Variants in SYT2 observed in about 807,000 individuals in gnomAD.
SYT2 encodes synaptotagmin-2.
SYT2 carries 15 observed loss-of-function variants against 39.9 expected under a neutral mutation model. The ratio of observed to expected loss-of-function variants is 0.38; its 90% CI spans 0.25 to 0.58. SYT2 has a LOEUF of 0.58. SYT2 is among the 20% of genes least tolerant of loss of function. SYT2 has a pLI of 0.70. For missense variants in SYT2, 389 were observed against 530.3 expected, an observed-to-expected ratio of 0.73 and a Z score of 2.62; for synonymous variants, 181 against 204.5, an observed-to-expected ratio of 0.89 and a Z score of 0.98.
chr1:202,673,096 C>T (rs1653215088), intron 1 of SYT2, among the ~76,000 whole-genome samples: 2 of 152,006 alleles, frequency 1.3e-5, no homozygotes, highest in South Asian at 4.1e-4. Context: ...GAAATCTGGG[C>T]TTATGGATGG....
rs1057409581 is a variant in SYT2, at chr1:202,628,006, A to T, written c.-17-22217T>A. On this transcript the variant is annotated intron_variant, in intron 1 of 8. Coordinates refer to ENST00000367268, the MANE Select transcript of SYT2 (RefSeq NM_177402.5). This position sits in a 1 kb window ranked among gnomAD's most constrained non-coding sequence, Gnocchi z 4.2. ...CCCAGCCCAGGGCTCTTTCCTTCCC[A>T]ACAAAGAGCCCCAGGGAGCTCCTCA... is the stretch of plus-strand genomic sequence containing the variant. Among the ~76,000 whole-genome samples the T allele has an allele frequency of 1.3e-5, 2 of 151,998 alleles. No homozygotes were observed. The highest frequency in any genetic ancestry group is 2.9e-5 in the Non-Finnish European group (2 of 67,980).
chr1:202,654,595 G>A (rs972953339), intron 1 of SYT2, among the ~76,000 whole-genome samples: 1 of 152,170 alleles, frequency 6.6e-6, no homozygotes, highest in Non-Finnish European at 1.5e-5. Context: ...TGCCCTCATG[G>A]GGAGTTCATC....
intron 1 of SYT2, among the ~76,000 whole-genome samples, chr1:202,670,435 C>T (rs1021315322): frequency 6.6e-6 from 1 of 152,144 alleles, no homozygotes; most frequent in Non-Finnish European, 1.5e-5. Flanking sequence ...TTCTGAGGTT[C>T]CAAGGAGCTG....
At chr1:202,671,012 C>G (rs146579901) in intron 1 of SYT2, among the ~76,000 whole-genome samples, 1 of 152,172 alleles carries the variant, frequency 6.6e-6, no homozygotes, top group Non-Finnish European at 1.5e-5. Flanking sequence ...TTGATACAGG[C>G]GAGGCCAAAG....
chr1:202,615,589 A>G (rs1691011282), intron 1 of SYT2, among the ~76,000 whole-genome samples: 1 of 152,136 alleles, frequency 6.6e-6, no homozygotes, highest in Non-Finnish European at 1.5e-5. Flanking sequence ...TGATCTATTT[A>G]AAACCCTCCT....
chr1:202,641,867 A>G (rs1691925789), intron 1 of SYT2, among the ~76,000 whole-genome samples: 1 of 152,212 alleles, frequency 6.6e-6, no homozygotes, highest in Non-Finnish European at 1.5e-5. Flanking sequence ...GAGGATGTGT[A>G]ATGCTGGAAA....
At chr1:202,662,590 AC>A in intron 1 of SYT2, among the ~76,000 whole-genome samples, 1 of 152,040 alleles carries the variant, frequency 6.6e-6, no homozygotes. Flanking sequence ...GGGTGGAAAG[AC>A]CCTATGTACT....
At chr1:202,659,512 G>A (rs1016534758) in intron 1 of SYT2, among the ~76,000 whole-genome samples, 5 of 152,210 alleles carry the variant, frequency 3.3e-5, no homozygotes, top group Non-Finnish European at 7.3e-5. Flanking sequence ...TGGTCAGGCT[G>A]GCAGTGTGTG....
rs1572610111 is a variant in SYT2 at position 202,601,173 on chromosome 1, A to G, written c.802-699T>C. Among the ~76,000 whole-genome samples the G allele has an allele frequency of 6.6e-6, 1 of 152,194 alleles. No homozygotes were observed. The highest frequency in any genetic ancestry group is 2.4e-5 in the African/African-American group (1 of 41,448). ...CCCAGGGCTCCTAATTCCTAAGGCC[A>G]ACACCACACTGCAGAGTCAAAGCTG... On this transcript the variant is annotated intron_variant, in intron 6 of 8. Coordinates refer to ENST00000367268, the MANE Select transcript of SYT2 (RefSeq NM_177402.5). The surrounding 1 kb of genome is among the most constrained non-coding windows in gnomAD (Gnocchi z 4.0).
chr1:202,659,686 G>A (rs1418229747), intron 1 of SYT2, among the ~76,000 whole-genome samples: 1 of 152,182 alleles, frequency 6.6e-6, no homozygotes, highest in African/African-American at 2.4e-5. Flanking sequence ...ACCTGGAGGG[G>A]CTGCGAGAGC....
At chr1:202,691,730 G>GAGAGAGAGA (rs1558463413) in intron 1 of SYT2, among the ~76,000 whole-genome samples, 1 of 13,816 alleles carries the variant, frequency 7.2e-5, no homozygotes, top group African/African-American at 2.0e-4. Flanking sequence ...AGGGAGAGGG[G>GAGAGAGAGA]GGGAGAGAGA....
At chr1:202,629,869 G>GC (rs547931192) in intron 1 of SYT2, among the ~76,000 whole-genome samples, 5 of 121,518 alleles carry the variant, frequency 4.1e-5, no homozygotes, top group Non-Finnish European at 8.7e-5. Flanking sequence ...GCAGCTGGTG[G>GC]GGGGGGGGGG....
At position 202,601,155 on chromosome 1, in the gene SYT2, CT is replaced by C. The variant is rs1372828838; in HGVS notation, c.802-682del. Among the ~76,000 whole-genome samples, 3 of 152,168 alleles carry C rather than the reference CT, an allele frequency of 2.0e-5. No homozygotes were observed. Among genetic ancestry groups the C allele is most frequent in the Non-Finnish European group, 4.4e-5 (3 of 68,032 alleles). ...CTGTAGGCAGGCTGAGGACCCAGGG[CT>C]CCTAATTCCTAAGGCCAACACCACA... On this transcript the variant is annotated intron_variant, in intron 6 of 8. Coordinates refer to ENST00000367268, the MANE Select transcript of SYT2 (RefSeq NM_177402.5). The surrounding 1 kb of genome is among the most constrained non-coding windows in gnomAD (Gnocchi z 4.0).
chr1:202,612,090 G>T (rs1318516453), intron 1 of SYT2, among the ~76,000 whole-genome samples: 1 of 152,124 alleles, frequency 6.6e-6, no homozygotes, highest in Non-Finnish European at 1.5e-5. Context: ...GTAAGGAAGG[G>T]GTTCACATTC....
rs1690986086 is a variant in SYT2, at chr1:202,614,768, G to A, written c.-17-8979C>T. 6.6e-6 allele frequency among the ~76,000 whole-genome samples: 1 copy of A among 152,226 alleles called. No individual in the cohort carries two copies. On this transcript the variant is annotated intron_variant, in intron 1 of 8. Transcript: ENST00000367268. The surrounding 1 kb of genome is among the most constrained non-coding windows in gnomAD (Gnocchi z 4.0). ...GCACAGCCTATGCAAAGGCCCAGAG[G>A]TGGGATGCAGTGTGGTGAGTCCAAA...
chr1:202,694,797 CCTCCTT>C (rs1215510288), intron 1 of SYT2, among the ~76,000 whole-genome samples: 1 of 151,880 alleles, frequency 6.6e-6, no homozygotes, highest in Non-Finnish European at 1.5e-5. Context: ...CCCTCCTCCT[CCTCCTT>C]CTCTCCCCTC....
At chr1:202,611,861 T>TA (rs1369620522) in intron 1 of SYT2, among the ~76,000 whole-genome samples, 2 of 152,184 alleles carry the variant, frequency 1.3e-5, no homozygotes, top group Admixed American at 6.5e-5. Flanking sequence ...ACAAGCCACT[T>TA]ATTTTTTAAG....
At chr1:202,639,238 G>A (rs535320517) in intron 1 of SYT2, among the ~76,000 whole-genome samples, 1 of 152,302 alleles carries the variant, frequency 6.6e-6, no homozygotes, top group African/African-American at 2.4e-5. Context: ...TGGACCCCAT[G>A]ATCTCAGTAT....
chr1:202,681,026 C>T (rs1438902892), intron 1 of SYT2, among the ~76,000 whole-genome samples: 1 of 152,168 alleles, frequency 6.6e-6, no homozygotes, highest in African/African-American at 2.4e-5. Flanking sequence ...CAAGCCCTCC[C>T]TCAAATGCAG....
Sources: allele counts gnomAD v4.1 joint callset (sites outside exome capture counted in the v4.1 genomes callset), GRCh38; gene constraint gnomAD v4.1.1; non-coding constraint Gnocchi (gnomAD v3.1); transcripts MANE v1.5; gene names NCBI Gene and HGNC (gene_info 2026-07-23, HGNC 2026-07-21).